MAN2B2: variants seen among roughly 807,000 people sequenced by gnomAD.
The protein encoded by MAN2B2 is epididymis-specific alpha-mannosidase.
A neutral mutation model predicts 117.1 loss-of-function variants in MAN2B2; 106 were observed. The ratio of observed to expected loss-of-function variants is 0.90; its 90% CI spans 0.77 to 1.06. MAN2B2 has a LOEUF of 1.06. Among genes scored for constraint, MAN2B2 ranks in the 50% least tolerant of loss-of-function variants. The pLI is 0.00. For missense variants in MAN2B2, 1,326 were observed against 1,381.4 expected, an observed-to-expected ratio of 0.96 and a Z score of 0.64; for synonymous variants, 544 against 595.1, an observed-to-expected ratio of 0.91 and a Z score of 1.25.
chr4:6,613,127 G>A (rs1464360254), intron 15 of MAN2B2, among the ~76,000 whole-genome samples: 1 of 152,348 alleles, frequency 6.6e-6, no homozygotes, highest in African/African-American at 2.4e-5. Context: ...ACTGGGGTCA[G>A]GTGGCCCATG....
In MAN2B2 at chr4:6,593,983, C is replaced by A. The variant is rs561155768; in HGVS notation, c.859-551C>A. ...TTGTGTTCAGACCCAGTCAGGCGGG[C>A]CCCAGAGCCTGCCTTCTTCATCCGT... is the stretch of plus-strand genomic sequence containing the variant. On this transcript the variant is annotated intron_variant, in intron 6 of 18. Coordinates refer to ENST00000285599, the MANE Select transcript of MAN2B2 (RefSeq NM_015274.3). 2.0e-5 allele frequency among the ~76,000 whole-genome samples: 3 copies of A among 152,282 alleles called. No individual in the cohort carries two copies. The South Asian group carries it at 6.2e-4, about 32-fold the overall frequency.
intron 12 of MAN2B2, 134 bp from the exon 13 acceptor site, chr4:6,609,664 A>G (rs950698466): frequency 1.1e-5 from 12 of 1,142,798 alleles, no homozygotes; most frequent in African/African-American, 9.2e-5. Context: ...TATTGTCCAC[A>G]TGGCCCAAGA....
Position 6,598,221 on chromosome 4 carries a change from T to A in MAN2B2, c.1272T>A (p.Thr424=). 6.2e-7 allele frequency: 1 copy of A among 1,613,730 alleles called. No individual in the cohort carries two copies. Among genetic ancestry groups the A allele is most frequent in the Non-Finnish European group, 8.5e-7 (1 of 1,180,016 alleles). Residue 424 remains threonine, a synonymous_variant, in exon 9 of 19, where the codon ACT becomes ACA. Coordinates refer to ENST00000285599, the MANE Select transcript of MAN2B2 (RefSeq NM_015274.3). The part of the protein sequence containing the change: ...VSEVQHHDAI[T]GTESPKVRDM... ...AGGTCCAGCACCATGATGCCATCACTGGGACTGAGTCCCCCAAGGTGAGAG... is the reference window on the plus strand; with the variant it reads ...AGGTCCAGCACCATGATGCCATCACAGGGACTGAGTCCCCCAAGGTGAGAG...
At position 6,609,908 on chromosome 4, in the gene MAN2B2, C is replaced by G; in HGVS notation, c.2117C>G (p.Ala706Gly). 1 of 1,614,152 alleles carries G rather than the reference C, an allele frequency of 6.2e-7. No individual in the cohort carries two copies. Among genetic ancestry groups the G allele is most frequent in the Non-Finnish European group, 8.5e-7 (1 of 1,180,032 alleles). The part of the protein sequence containing the change: ...LCHRIEQEYQ[A>G]GPLELNREAV... ...CACCGGATAGAGCAGGAGTACCAAG[C>G]CGGCCCCCTGGAGCTGAACCGTGAG... Residue 706 changes from alanine to glycine, a missense_variant, in exon 13 of 19, where the codon GCC (alanine) becomes GGC (glycine). Transcript: ENST00000285599.
chr4:6,582,742 C>T (rs897735574), intron 3 of MAN2B2, among the ~76,000 whole-genome samples: 1 of 152,114 alleles, frequency 6.6e-6, no homozygotes, highest in African/African-American at 2.4e-5. Context: ...AACTCCTGAC[C>T]TCAACATCAT....
At position 6,605,414 on chromosome 4, in the gene MAN2B2, C is replaced by T. The variant is rs1560655787; in HGVS notation, c.1814+85C>T. ...GGCCCCTACCTGGATTCTCCATTTGCTCACTTGCCTGGGGGAAGGACAGAT... is the reference window on the plus strand; with the variant it reads ...GGCCCCTACCTGGATTCTCCATTTGTTCACTTGCCTGGGGGAAGGACAGAT... On this transcript the variant is annotated intron_variant, in intron 11 of 18. Transcript: ENST00000285599. 4.8e-6 allele frequency: 7 copies of T among 1,466,136 alleles called. No individual in the cohort carries two copies. In the Admixed American group the frequency reaches 1.5e-4, roughly 32 times the overall value. The allele number at this position is 1,466,136 out of a possible 1,614,324, so 90.8% of individuals were successfully genotyped here. A position where few individuals can be genotyped will look rare whatever the true frequency, so the allele number is the denominator to read the frequency against.
intron 11 of MAN2B2, among the ~76,000 whole-genome samples, chr4:6,606,879 C>T (rs915457402): frequency 6.6e-6 from 1 of 152,188 alleles, no homozygotes; most frequent in Non-Finnish European, 1.5e-5. Flanking sequence ...GACACCAACC[C>T]CAGGGCAGTG....
chr4:6,579,304 C>CCAT (rs1560635031), intron 3 of MAN2B2, among the ~76,000 whole-genome samples: 2 of 78,030 alleles, frequency 2.6e-5, no homozygotes, highest in Non-Finnish European at 5.7e-5. Flanking sequence ...ACCACCATCA[C>CCAT]CACCACCACC....
chr4:6,602,808 C>G (rs1727382679), intron 10 of MAN2B2, among the ~76,000 whole-genome samples: 1 of 152,006 alleles, frequency 6.6e-6, no homozygotes, highest in African/African-American at 2.4e-5. Context: ...GTAGCTGGGA[C>G]CACAGGTGCA....
intron 12 of MAN2B2, 65 bp from the exon 13 acceptor site, chr4:6,609,733 A>G (rs1727691419): frequency 2.0e-5 from 13 of 664,888 alleles, no homozygotes; most frequent in Non-Finnish European, 2.8e-5. Flanking sequence ...GAAGGAAGGG[A>G]AGCAAAAAGG....
intron 1 of MAN2B2, 79 bp from the exon 2 acceptor site, chr4:6,576,499 A>G (rs2108854649): frequency 6.5e-7 from 1 of 1,546,322 alleles, no homozygotes; most frequent in Non-Finnish European, 8.8e-7. Context: ...CCATGCAGAC[A>G]CACCTGGCGA....
chr4:6,588,959 C>T (rs1434636558), intron 4 of MAN2B2, 86 bp from the exon 5 acceptor site: 8 of 939,918 alleles, frequency 8.5e-6, no homozygotes, highest in Admixed American at 1.9e-5. Flanking sequence ...TGAGGGCAGG[C>T]GGGAGACACC....
chr4:6,581,786 G>A (rs1726437617), intron 3 of MAN2B2, among the ~76,000 whole-genome samples: 1 of 151,422 alleles, frequency 6.6e-6, no homozygotes, highest in Non-Finnish European at 1.5e-5. Context: ...GCCCGCCAGG[G>A]CCTGGGGCAC....
rs62292692 is a variant in MAN2B2, at chr4:6,614,311, G to T, written c.2657G>T (p.Arg886Leu). The change falls in exon 16 of 19, where the codon CGC (arginine) becomes CTC (leucine). Residue 886 changes from arginine (R) to leucine (L), a missense_variant. Transcript: ENST00000285599. ...CAGATCCTGAGCATCCCTGGCTGGC[G>T]CTACAGCTCCAACCACACGGAGCAC... ...HLQILSIPGW[R>L]YSSNHTEHSQ... 2.2e-5 allele frequency: 35 copies of T among 1,613,954 alleles called. No homozygotes were observed. The South Asian group carries it at 2.2e-4, about 10-fold the overall frequency.
chr4:6,601,570 G>A (rs1727332759), intron 10 of MAN2B2, among the ~76,000 whole-genome samples: 1 of 151,876 alleles, frequency 6.6e-6, no homozygotes, highest in African/African-American at 2.4e-5. Context: ...GTGGAAGCAG[G>A]GAGGGCCTAG....
chr4:6,591,478 G>A (rs771816895), intron 5 of MAN2B2, among the ~76,000 whole-genome samples: 8 of 152,226 alleles, frequency 5.3e-5, no homozygotes, highest in African/African-American at 1.4e-4. Flanking sequence ...GGTGCCCTCC[G>A]ACTCCTGCAG....
At position 6,617,405 on chromosome 4, in the gene MAN2B2, C is replaced by T. The variant is rs115621290; in HGVS notation, c.2727C>T (p.Asp909=). The T allele has an allele frequency of 6.2e-4, 998 of 1,614,146 alleles. 5 individuals are homozygous for T. In the African/African-American group the frequency reaches 0.011, roughly 19 times the overall value. The change falls in exon 17 of 19, where the codon GAC becomes GAT. Residue 909 remains aspartate (D), a synonymous_variant. Coordinates refer to ENST00000285599, the MANE Select transcript of MAN2B2 (RefSeq NM_015274.3). ...RKGHRGEAQA[D]LRRVLLRLYH... is the part of the protein sequence containing the mutation. ...GCCATCGAGGGGAAGCCCAGGCTGA[C>T]CTCCGCCGTGTCCTGCTGCGGCTCT... is the stretch of plus-strand genomic sequence containing the variant.
At chr4:6,611,710 C>A (rs548525713) in intron 15 of MAN2B2, among the ~76,000 whole-genome samples, 2 of 152,218 alleles carry the variant, frequency 1.3e-5, no homozygotes, top group African/African-American at 4.8e-5. Flanking sequence ...AGGAGAATCG[C>A]TTGAACCCGG....
At chr4:6,579,443 A>G (rs182050127) in intron 3 of MAN2B2, among the ~76,000 whole-genome samples, 11 of 123,084 alleles carry the variant, frequency 8.9e-5, no homozygotes, top group Non-Finnish European at 1.7e-4. Context: ...ACCACCCTTC[A>G]CCATCACCAC....
Sources: gnomAD v4.1 joint callset for allele counts (sites outside exome capture counted in the v4.1 genomes callset) on GRCh38, gnomAD v4.1.1 for gene constraint, MANE v1.5 for transcripts, NCBI Gene and HGNC (gene_info 2026-07-23, HGNC 2026-07-21) for gene names.